SLC66A3: variants seen among roughly 807,000 people sequenced by gnomAD.
SLC66A3 encodes the protein PQ loop repeat containing 3.
SLC66A3 carries 23 observed loss-of-function variants against 25.5 expected under a neutral mutation model. The observed-to-expected ratio is 0.90, with a 90% CI of 0.65 to 1.28. SLC66A3 has a LOEUF of 1.28. SLC66A3 is among the 50% of genes most tolerant of loss of function. The probability of loss-of-function intolerance (pLI) is 0.00; values close to 1 mark genes in which losing one functional copy is unlikely to be tolerated. For synonymous variants in SLC66A3, 108 were observed against 112.6 expected, an observed-to-expected ratio of 0.96 and a Z score of 0.26; for missense variants, 246 against 262.1, an observed-to-expected ratio of 0.94 and a Z score of 0.42.
Position 11,155,582 on chromosome 2 carries a change from C to T in SLC66A3, c.36C>T (p.Ser12=), listed in dbSNP as rs749105617. 5.9e-6 allele frequency: 9 copies of T among 1,515,136 alleles called. No homozygotes were observed. The highest frequency in any genetic ancestry group is 4.9e-5 in the South Asian group (4 of 81,848). 93.9% of individuals were successfully genotyped at this position (1,515,136 alleles called of 1,614,324 possible). Residue 12 remains serine (S), a synonymous_variant, in exon 1 of 7, where the codon AGC becomes AGT. Transcript: ENST00000295083. Reference sequence around the variant, plus strand: ...CGCTGCTGGGGCTGTGTAACTGGAGCACGCTGGGCGTGTGCGCCGCGCTGA... The same window carrying T: ...CGCTGCTGGGGCTGTGTAACTGGAGTACGCTGGGCGTGTGCGCCGCGCTGA... ...EAALLGLCNW[S]TLGVCAALKL...
In SLC66A3 at chr2:11,176,404, TG is replaced by T. The variant is rs1662744804; in HGVS notation, c.518-1329del. 2.0e-5 allele frequency among the ~76,000 whole-genome samples: 3 copies of T among 152,050 alleles called. No homozygotes were observed. The South Asian group carries it at 6.2e-4, about 32-fold the overall frequency. The stretch of plus-strand genomic sequence containing the variant: ...CTAATTTTTGTATTTTTAGTAGAGA[TG>T]GGGTTTCACCATGTTGGCCAGGCTG... On this transcript the variant is annotated intron_variant, in intron 6 of 6. Coordinates refer to ENST00000295083, the MANE Select transcript of SLC66A3 (RefSeq NM_152391.5).
intron 1 of SLC66A3, among the ~76,000 whole-genome samples, chr2:11,159,851 G>A (rs769571496): frequency 1.1e-4 from 16 of 152,184 alleles, no homozygotes; most frequent in Non-Finnish European, 2.1e-4. Context: ...TGTGGCCTTC[G>A]CAGCATCCTC....
At position 11,160,679 on chromosome 2, in the gene SLC66A3, C is replaced by G. The variant is rs1662089919; in HGVS notation, c.281C>G (p.Thr94Ser). The change falls in exon 3 of 7, where the codon ACT becomes AGT. Residue 94 changes from threonine (T) to serine (S), a missense_variant. Thr to Ser is a moderately conservative substitution (Grantham distance 58). This residue lies in a region of SLC66A3 where 142 missense variants were observed against 130.3 expected (regional missense o/e 1.09). Coordinates refer to ENST00000295083, the MANE Select transcript of SLC66A3 (RefSeq NM_152391.5). The stretch of plus-strand genomic sequence containing the variant: ...TTTAACGGGAACGTGAAGCAGGCCA[C>G]TCCTTACATCGCTGTGTATCCTTTC... The part of the protein sequence containing the change: ...FHFNGNVKQA[T>S]PYIAVLVSSW... 1.2e-6 allele frequency: 2 copies of G among 1,614,112 alleles called. No homozygotes were observed. Among genetic ancestry groups the G allele is most frequent in the East Asian group, 4.5e-5 (2 of 44,882 alleles).
intron 4 of SLC66A3, among the ~76,000 whole-genome samples, chr2:11,165,701 G>C (rs1012592911): frequency 6.6e-6 from 1 of 152,206 alleles, no homozygotes; most frequent in Non-Finnish European, 1.5e-5. Flanking sequence ...CCGAGATCAC[G>C]TCACTGCACT....
intron 1 of SLC66A3, among the ~76,000 whole-genome samples, chr2:11,158,200 C>G (rs1425044465): frequency 6.6e-6 from 1 of 152,164 alleles, no homozygotes; most frequent in Admixed American, 6.5e-5. Flanking sequence ...TTATGATAAG[C>G]ACTATAGCGA....
Position 11,160,616 on chromosome 2 carries a change from C to G in SLC66A3, c.227-9C>G. ...CCTTCCCCCCTCACTCGGAGCCTCT[C>G]TCTTTCAGATGTCATCCTCCTGCTC... On this transcript the variant is annotated splice_polypyrimidine_tract_variant and intron_variant, in intron 2 of 6. Coordinates refer to ENST00000295083, the MANE Select transcript of SLC66A3 (RefSeq NM_152391.5). The G allele has an allele frequency of 1.2e-6, 2 of 1,614,178 alleles. No homozygotes were observed. Among genetic ancestry groups the G allele is most frequent in the Non-Finnish European group, 1.7e-6 (2 of 1,180,036 alleles).
chr2:11,157,553 G>T, intron 1 of SLC66A3, among the ~76,000 whole-genome samples: 1 of 152,118 alleles, frequency 6.6e-6, no homozygotes, highest in Non-Finnish European at 1.5e-5. Flanking sequence ...GGGCCCCCGG[G>T]CCCCTGACCA....
chr2:11,169,639 C>T (rs1257353331), intron 4 of SLC66A3, among the ~76,000 whole-genome samples: 1 of 152,018 alleles, frequency 6.6e-6, no homozygotes, highest in African/African-American at 2.4e-5. Context: ...GGCTCCAGCA[C>T]ACACCGCACA....
intron 4 of SLC66A3, among the ~76,000 whole-genome samples, chr2:11,166,507 C>T (rs1013527969): frequency 5.3e-5 from 8 of 152,212 alleles, no homozygotes; most frequent in African/African-American, 1.9e-4. Flanking sequence ...TGTTACATTT[C>T]TGTTACATTT....
Position 11,155,474 on chromosome 2 carries a change from G to T in SLC66A3, c.-73G>T. On this transcript the variant is annotated 5_prime_UTR_variant, in exon 1 of 7. Coordinates refer to ENST00000295083, the MANE Select transcript of SLC66A3 (RefSeq NM_152391.5). ...GGATCCCGGGAAGGCGGAAGGCTTC[G>T]GCAGAGCTGCGCCGCCGAGGCTGAG... The T allele has an allele frequency of 1.4e-6, 2 of 1,381,718 alleles. No homozygotes were observed. Among genetic ancestry groups the T allele is most frequent in the Non-Finnish European group, 9.3e-7 (1 of 1,071,538 alleles). 85.6% of individuals were successfully genotyped at this position (1,381,718 alleles called of 1,614,324 possible).
intron 1 of SLC66A3, among the ~76,000 whole-genome samples, chr2:11,159,255 C>A (rs999515049): frequency 3.9e-5 from 6 of 152,156 alleles, no homozygotes; most frequent in African/African-American, 1.4e-4. Flanking sequence ...CCTCTGCCAG[C>A]CCCCCTGGGC....
chr2:11,177,135 G>T (rs952171849), intron 6 of SLC66A3, among the ~76,000 whole-genome samples: 4 of 152,104 alleles, frequency 2.6e-5, no homozygotes, highest in Non-Finnish European at 5.9e-5. Context: ...CCCTCAGGAC[G>T]TCAGATGAGT....
At chr2:11,165,827 A>G (rs906444628) in intron 4 of SLC66A3, among the ~76,000 whole-genome samples, 3 of 149,752 alleles carry the variant, frequency 2.0e-5, no homozygotes, top group African/African-American at 7.3e-5. Context: ...CAGCCCGGCC[A>G]ACACAGCGAA....
At chr2:11,166,373 T>G (rs1662343511) in intron 4 of SLC66A3, among the ~76,000 whole-genome samples, 1 of 152,166 alleles carries the variant, frequency 6.6e-6, no homozygotes, top group South Asian at 2.1e-4. Context: ...AGTGAACGTT[T>G]CTACCCAACG....
intron 6 of SLC66A3, among the ~76,000 whole-genome samples, 171 bp from the exon 7 acceptor site, chr2:11,177,566 G>A (rs928666578): frequency 1.3e-5 from 2 of 152,172 alleles, no homozygotes; most frequent in African/African-American, 4.8e-5. Context: ...TGGGCCAAGG[G>A]GCCAAAAATT....
At chr2:11,177,312 T>C (rs1044793781) in intron 6 of SLC66A3, among the ~76,000 whole-genome samples, 1 of 151,984 alleles carries the variant, frequency 6.6e-6, no homozygotes, top group African/African-American at 2.4e-5. Flanking sequence ...ATACAAAAAA[T>C]AGCCAGGCGT....
chr2:11,177,856 AT>A lies in SLC66A3; in HGVS notation c.*32del. 1 of 1,335,618 alleles carries A rather than the reference AT, an allele frequency of 7.5e-7. No individual in the cohort carries two copies. The highest frequency in any genetic ancestry group is 1.1e-6 in the Non-Finnish European group (1 of 943,888). The allele number at this position is 1,335,618 out of a possible 1,614,324, so 82.7% of individuals were successfully genotyped here. A position where few individuals can be genotyped will look rare whatever the true frequency, so the allele number is the denominator to read the frequency against. ...GATACATTATTCCTTCACACAGTGG[AT>A]TTTGAGTAACTGAACCAAAGGAAAA... On this transcript the variant is annotated 3_prime_UTR_variant, in exon 7 of 7. Coordinates refer to ENST00000295083, the MANE Select transcript of SLC66A3 (RefSeq NM_152391.5).
In SLC66A3 at chr2:11,161,630, C is replaced by T. The variant is rs1241120578; in HGVS notation, c.296+936C>T. Among the ~76,000 whole-genome samples, 4 of 152,054 alleles carry T rather than the reference C, an allele frequency of 2.6e-5. No individual in the cohort carries two copies. The East Asian group carries it at 5.8e-4, about 22-fold the overall frequency. On this transcript the variant is annotated intron_variant, in intron 3 of 6. Transcript: ENST00000295083. ...AACTTCTGGGGCCAAGGAATCTTCC[C>T]GCCTCAGCCTCCTGAGTAGCTGGAG...
chr2:11,164,491 G>A (rs1442035349), intron 4 of SLC66A3, among the ~76,000 whole-genome samples: 2 of 144,872 alleles, frequency 1.4e-5, no homozygotes, highest in African/African-American at 2.6e-5. Flanking sequence ...ACAGGCATGT[G>A]CCACCACACC....
Sources: gnomAD v4.1 joint callset for allele counts (sites outside exome capture counted in the v4.1 genomes callset) on GRCh38, gnomAD v4.1.1 for gene constraint, gnomAD v4.1.1 regional missense constraint, MANE v1.5 for transcripts, NCBI Gene and HGNC (gene_info 2026-07-23, HGNC 2026-07-21) for gene names.